Variants in PRPF6 observed in about 807,000 individuals in gnomAD.
PRPF6 encodes pre-mRNA-processing factor 6.
PRPF6 carries 42 observed loss-of-function variants against 118.3 expected under a neutral mutation model. That is an observed-to-expected ratio of 0.35 (90% CI 0.28 to 0.46). The LOEUF (loss-of-function observed/expected upper bound fraction) is 0.46, where lower values mean the gene tolerates loss of function less well. Ranked by LOEUF, PRPF6 falls within the 20% of genes least tolerant of loss-of-function variation. The pLI is 1.00. For missense variants in PRPF6, 662 were observed against 1,255.7 expected (o/e 0.53, Z 7.15); for synonymous variants, 481 against 485.1 (o/e 0.99, Z 0.11).
Position 63,983,103 on chromosome 20 carries a change from C to T in PRPF6, c.128C>T (p.Pro43Leu). 6.2e-7 allele frequency: 1 copy of T among 1,614,174 alleles called. No individual in the cohort carries two copies. The highest frequency in any genetic ancestry group is 8.5e-7 in the Non-Finnish European group (1 of 1,180,044). ...GGGCCCGCCCGTGATGCAAATGACC[C>T]TGTGGATGATCGCCATGCACCCCCA... The part of the protein sequence containing the change: ...DIGPARDAND[P>L]VDDRHAPPGK... Residue 43 changes from proline to leucine, a missense_variant, in exon 2 of 21, where the codon CCT (proline) becomes CTT (leucine). Physicochemically the swap from Pro to Leu is moderately conservative, Grantham distance 98. Transcript: ENST00000266079.
chr20:64,003,924 C>T (rs1349671037), intron 9 of PRPF6, among the ~76,000 whole-genome samples: 1 of 152,176 alleles, frequency 6.6e-6, no homozygotes, highest in Non-Finnish European at 1.5e-5. Context: ...AATGAGGTGG[C>T]CAGGAACAGA....
In PRPF6 at chr20:63,995,282, T is replaced by C. The variant is rs529628099; in HGVS notation, c.616-45T>C. 5.7e-6 allele frequency: 9 copies of C among 1,583,516 alleles called. No individual in the cohort carries two copies. The African/African-American group carries it at 1.2e-4, about 21-fold the overall frequency. On this transcript the variant is annotated intron_variant, in intron 5 of 20. Transcript: ENST00000266079. ...GAGAGTAAATTTCTTGGGCATGCAG[T>C]GCAAACCGTTGTTTTATTCTTGCCT...
intron 9 of PRPF6, among the ~76,000 whole-genome samples, chr20:64,001,672 C>T (rs1444390354): frequency 6.6e-6 from 1 of 152,206 alleles, no homozygotes; most frequent in Non-Finnish European, 1.5e-5. Context: ...GGCACCAGAG[C>T]CACACGTTGA....
chr20:63,982,370 C>G (rs1323799190), intron 1 of PRPF6, among the ~76,000 whole-genome samples: 1 of 151,906 alleles, frequency 6.6e-6, no homozygotes, highest in African/African-American at 2.4e-5. Flanking sequence ...CAGGGTTTCA[C>G]CATGTTGGCC....
At chr20:64,020,132 C>T (rs1001578164) in intron 12 of PRPF6, among the ~76,000 whole-genome samples, 13 of 152,278 alleles carry the variant, frequency 8.5e-5, no homozygotes, top group African/African-American at 2.4e-4. Context: ...ATCCTTTCAG[C>T]GGCCGGGCGC....
Position 64,027,882 on chromosome 20 carries a change from T to C in PRPF6, c.2339+146T>C. The C allele has an allele frequency of 8.5e-7, 1 of 1,178,896 alleles. No homozygotes were observed. The highest frequency in any genetic ancestry group is 1.2e-5 in the South Asian group (1 of 80,890). The allele number at this position is 1,178,896 out of a possible 1,614,324, so 73.0% of individuals were successfully genotyped here. ...GGCGGTAGGTGCTGGCCATGAAAAA[T>C]CACGGTCCCTGCCTTAGGAGAGTTC... On this transcript the variant is annotated intron_variant, in intron 17 of 20. Coordinates refer to ENST00000266079, the MANE Select transcript of PRPF6 (RefSeq NM_012469.4). The surrounding 1 kb of genome is among the most constrained non-coding windows in gnomAD (Gnocchi z 6.5).
chr20:63,997,152 C>T (rs2059144071), intron 6 of PRPF6, among the ~76,000 whole-genome samples: 1 of 152,168 alleles, frequency 6.6e-6, no homozygotes, highest in South Asian at 2.1e-4. Flanking sequence ...TCCCCAGCCC[C>T]TGGCATCCAC....
Position 64,011,611 on chromosome 20 carries a change from C to A in PRPF6, c.1524+108C>A. The A allele has an allele frequency of 7.9e-7, 1 of 1,262,976 alleles. No homozygotes were observed. Among genetic ancestry groups the A allele is most frequent in the Non-Finnish European group, 1.1e-6 (1 of 898,382 alleles). 78.2% of individuals were successfully genotyped at this position (1,262,976 alleles called of 1,614,324 possible). On this transcript the variant is annotated intron_variant, in intron 11 of 20. Coordinates refer to ENST00000266079, the MANE Select transcript of PRPF6 (RefSeq NM_012469.4). This position sits in a 1 kb window ranked among gnomAD's most constrained non-coding sequence, Gnocchi z 6.7. ...CTGGATGGTACTGGGGAGTCCTGTG[C>A]CAAACCAGAAGCAGGCACAGGTGTG...
Position 63,984,769 on chromosome 20 carries a change from G to C in PRPF6, c.241-138G>C, listed in dbSNP as rs143619371. The C allele has an allele frequency of 1.3e-3, 894 of 678,060 alleles. 4 individuals are homozygous for C. The highest frequency in any genetic ancestry group is 2.3e-3 in the South Asian group (151 of 66,642). The allele number at this position is 678,060 out of a possible 1,614,324, so 42.0% of individuals were successfully genotyped here. On this transcript the variant is annotated intron_variant, in intron 2 of 20. Coordinates refer to ENST00000266079, the MANE Select transcript of PRPF6 (RefSeq NM_012469.4). Reference sequence around the variant, plus strand: ...TTGAAGAGTAGTCACCAGTTATATGGTAGACTGTCCCTTGATTTGGCTTCG... The same window carrying C: ...TTGAAGAGTAGTCACCAGTTATATGCTAGACTGTCCCTTGATTTGGCTTCG...
intron 6 of PRPF6, among the ~76,000 whole-genome samples, chr20:63,998,225 G>C (rs2059149885): frequency 1.3e-5 from 2 of 151,752 alleles, no homozygotes; most frequent in Non-Finnish European, 2.9e-5. Context: ...CTCCTGAGTA[G>C]CTGGGACTAC....
In PRPF6 at chr20:64,029,447, G is replaced by A; in HGVS notation, c.2502G>A (p.Leu834=). Residue 834 remains leucine (L), a synonymous_variant, in exon 19 of 21, where the codon CTG becomes CTA. Coordinates refer to ENST00000266079, the MANE Select transcript of PRPF6 (RefSeq NM_012469.4). This position sits in a 1 kb window ranked among gnomAD's most constrained non-coding sequence, Gnocchi z 4.8. The stretch of plus-strand genomic sequence containing the variant: ...GGAGGACCAAGAGCGTGGATGCCCT[G>A]AAGAAGTGTGAGCATGACCCCCATG... ...PQRRTKSVDA[L]KKCEHDPHVL... The A allele has an allele frequency of 1.9e-6, 3 of 1,614,226 alleles. No homozygotes were observed. Among genetic ancestry groups the A allele is most frequent in the Non-Finnish European group, 2.5e-6 (3 of 1,180,052 alleles).
chr20:63,988,582 G>A (rs977526185), intron 3 of PRPF6, among the ~76,000 whole-genome samples: 2 of 151,922 alleles, frequency 1.3e-5, no homozygotes, highest in African/African-American at 4.8e-5. Context: ...ATTATTAACA[G>A]ATAGTGAAAA....
intron 9 of PRPF6, among the ~76,000 whole-genome samples, chr20:64,003,023 C>T (rs1408842186): frequency 6.6e-6 from 1 of 151,742 alleles, no homozygotes; most frequent in Non-Finnish European, 1.5e-5. Context: ...TGGCTCACTG[C>T]AGCCACCACC....
intron 11 of PRPF6, among the ~76,000 whole-genome samples, chr20:64,013,180 G>T (rs1477288510): frequency 1.3e-5 from 2 of 152,036 alleles, no homozygotes; most frequent in Non-Finnish European, 2.9e-5. Flanking sequence ...GGCCAGGTTG[G>T]TCTCGAACTC....
intron 14 of PRPF6, among the ~76,000 whole-genome samples, 160 bp from the exon 15 acceptor site, chr20:64,025,779 C>T (rs1402097812): frequency 6.6e-6 from 1 of 152,232 alleles, no homozygotes; most frequent in South Asian, 2.1e-4. Context: ...GCACTGGAGT[C>T]GGCTCTGTCA....
chr20:64,018,744 G>A (rs1303642092), intron 12 of PRPF6, among the ~76,000 whole-genome samples: 1 of 151,952 alleles, frequency 6.6e-6, no homozygotes, highest in Non-Finnish European at 1.5e-5. Context: ...GATTACAGGC[G>A]TGTCACTGTG....
Position 64,026,804 on chromosome 20 carries a change from A to C in PRPF6, c.2029-178A>C, listed in dbSNP as rs41278238. Reference sequence around the variant, plus strand: ...GACAGAGCGAGACTCTATCTCAAAAAAAAACAAAACAAAACAAAAACATAT... The same window carrying C: ...GACAGAGCGAGACTCTATCTCAAAACAAAACAAAACAAAACAAAAACATAT... On this transcript the variant is annotated intron_variant, in intron 15 of 20. Coordinates refer to ENST00000266079, the MANE Select transcript of PRPF6 (RefSeq NM_012469.4). This position sits in a 1 kb window ranked among gnomAD's most constrained non-coding sequence, Gnocchi z 4.4. Among the ~76,000 whole-genome samples, 2,691 of 152,322 alleles carry C rather than the reference A, an allele frequency of 0.018. 32 individuals carry two copies. Among genetic ancestry groups the C allele is most frequent in the South Asian group, 0.025 (119 of 4,824 alleles).
chr20:64,030,214 G>T (rs1181616916), intron 19 of PRPF6, among the ~76,000 whole-genome samples: 2 of 152,210 alleles, frequency 1.3e-5, no homozygotes, highest in Non-Finnish European at 2.9e-5. Context: ...CCTGAGTGTG[G>T]GTCAGGAGGC....
intron 1 of PRPF6, 126 bp from the exon 2 acceptor site, chr20:63,982,921 A>G (rs972006720): frequency 1.7e-5 from 20 of 1,160,990 alleles, no homozygotes; most frequent in Middle Eastern, 2.8e-4. Flanking sequence ...GTTCATTGTC[A>G]CCAGGATCTT....
Sources: gnomAD v4.1 joint callset for allele counts (sites outside exome capture counted in the v4.1 genomes callset) on GRCh38, gnomAD v4.1.1 for gene constraint, Gnocchi (gnomAD v3.1) non-coding constraint, MANE v1.5 for transcripts, NCBI Gene and HGNC (gene_info 2026-07-23, HGNC 2026-07-21) for gene names.